Variants in KIFC3 observed in about 807,000 individuals in gnomAD.
KIFC3 encodes kinesin-like protein KIFC3.
KIFC3 carries 60 observed loss-of-function variants against 101.8 expected under a neutral mutation model. That is an observed-to-expected ratio of 0.59 (90% CI 0.48 to 0.73). The LOEUF is 0.73. Among genes scored for constraint, KIFC3 ranks in the 30% least tolerant of loss-of-function variants. The probability of loss-of-function intolerance (pLI) is 0.00; values close to 1 mark genes in which losing one functional copy is unlikely to be tolerated. For missense variants in KIFC3, 966 were observed against 1,137.1 expected (o/e 0.85, Z 2.16); for synonymous variants, 476 against 482.7 (o/e 0.99, Z 0.18).
rs781957121 is a variant in KIFC3, at chr16:57,764,187, A to G, written c.1573T>C (p.Phe525Leu). 58 of 1,590,874 alleles carry G rather than the reference A, an allele frequency of 3.6e-5. No individual in the cohort carries two copies. In the East Asian group the frequency reaches 1.3e-3, roughly 36 times the overall value. Residue 525 changes from phenylalanine (F) to leucine (L), a missense_variant, in exon 12 of 20, where the codon TTT becomes CTT. This residue lies in a region of KIFC3 where 689 missense variants were observed against 884.6 expected (regional missense o/e 0.78). Transcript: ENST00000445690. ...SCIDGFNVCI[F>L]AYGQTGAGKT... ...CCGGCGCCCGTCTGGCCGTACGCAAAGATGCAGACATTGAAGCCATCAATG... is the reference window on the plus strand; with the variant it reads ...CCGGCGCCCGTCTGGCCGTACGCAAGGATGCAGACATTGAAGCCATCAATG...
At chr16:57,812,584 A>T (rs143085558) in intron 1 of KIFC3, among the ~76,000 whole-genome samples, 79 of 152,256 alleles carry the variant, frequency 5.2e-4, no homozygotes, top group African/African-American at 1.8e-3. Flanking sequence ...GGAAAGAGCC[A>T]TGAATCAAAG....
At position 57,771,377 on chromosome 16, in the gene KIFC3, C is replaced by T; in HGVS notation, c.586G>A (p.Gly196Ser). 1 of 1,613,700 alleles carries T rather than the reference C, an allele frequency of 6.2e-7. No homozygotes were observed. The highest frequency in any genetic ancestry group is 8.5e-7 in the Non-Finnish European group (1 of 1,180,046). ...QLQLEMAESKGMLSELNLEVQ... is the reference protein window; with the variant it reads ...QLQLEMAESKSMLSELNLEVQ... ...TCTAGGTTCAGCTCTGACAGCATGCCTTTGCTTTCCGCCATCTCCAGCTGC... is the reference window on the plus strand; with the variant it reads ...TCTAGGTTCAGCTCTGACAGCATGCTTTTGCTTTCCGCCATCTCCAGCTGC... Residue 196 changes from glycine to serine, a missense_variant, in exon 6 of 20, where the codon GGC becomes AGC. Around this residue, in one of 2 missense-constraint regions of KIFC3, gnomAD observed 689 missense variants for 884.6 expected, o/e 0.78. Coordinates refer to ENST00000445690, the MANE Select transcript of KIFC3 (RefSeq NM_001130100.2).
At chr16:57,795,898 T>TG (rs1568048182) in intron 2 of KIFC3, among the ~76,000 whole-genome samples, 14 of 144,814 alleles carry the variant, frequency 9.7e-5, no homozygotes, top group African/African-American at 3.7e-4. Flanking sequence ...TTTTTTTTTT[T>TG]TTTTTTTTTT....
chr16:57,856,046 G>A (rs1321563731), intron 1 of KIFC3, among the ~76,000 whole-genome samples: 1 of 151,882 alleles, frequency 6.6e-6, no homozygotes. Flanking sequence ...AATAAGGCTG[G>A]ACGCAGGGGG....
intron 10 of KIFC3, 27 bp from the exon 11 acceptor site, chr16:57,765,667 G>A: frequency 6.3e-7 from 1 of 1,588,646 alleles, no homozygotes; most frequent in Non-Finnish European, 8.6e-7. Context: ...TGGGGAAATG[G>A]GTCCAGGCCA....
At chr16:57,830,314 T>A (rs1476472652) in intron 1 of KIFC3, among the ~76,000 whole-genome samples, 1 of 150,048 alleles carries the variant, frequency 6.7e-6, no homozygotes, top group Non-Finnish European at 1.5e-5. Context: ...CTCGGCTCTC[T>A]GCAGCCTCCC....
chr16:57,844,365 G>C (rs1315954050), intron 1 of KIFC3, among the ~76,000 whole-genome samples: 2 of 151,010 alleles, frequency 1.3e-5, no homozygotes, highest in African/African-American at 4.9e-5. Context: ...GGGAGGCGGA[G>C]GTTGCAGTGA....
At position 57,766,984 on chromosome 16, in the gene KIFC3, A is replaced by G. The variant is rs782272190; in HGVS notation, c.1220T>C (p.Ile407Thr). ...GTTGACCTCCTCGATGGCCTGGCCT[A>G]TCTGGTGGGGGGTGCACACCACTGT... ...QEALRSVKAE[I>T]GQAIEEVNSN... Residue 407 changes from isoleucine (I) to threonine (T), a missense_variant and splice_region_variant, in exon 10 of 20, where the codon ATA (isoleucine) becomes ACA (threonine). Transcript: ENST00000445690. 3.7e-6 allele frequency: 6 copies of G among 1,612,402 alleles called. No homozygotes were observed. The East Asian group carries it at 1.3e-4, about 36-fold the overall frequency.
chr16:57,833,435 G>T (rs782742043), intron 1 of KIFC3, among the ~76,000 whole-genome samples: 73 of 152,266 alleles, frequency 4.8e-4, no homozygotes, highest in Non-Finnish European at 9.6e-4. Context: ...AGCACCCAAG[G>T]GGAGATTCCC....
At position 57,769,521 on chromosome 16, in the gene KIFC3, G is replaced by A. The variant is rs548855411; in HGVS notation, c.1218+74C>T. ...GGCTTTGTCTGAGCTTTGGAGGGAC[G>A]CCCTGAGTGGATGTCGTGCCTCTCC... On this transcript the variant is annotated intron_variant, in intron 9 of 19. Transcript: ENST00000445690. This position sits in a 1 kb window ranked among gnomAD's most constrained non-coding sequence, Gnocchi z 4.3. 10 of 1,530,502 alleles carry A rather than the reference G, an allele frequency of 6.5e-6. No individual in the cohort carries two copies. Among genetic ancestry groups the A allele is most frequent in the Admixed American group, 3.6e-5 (2 of 55,408 alleles). The allele number at this position is 1,530,502 out of a possible 1,614,324, so 94.8% of individuals were successfully genotyped here. A position where few individuals can be genotyped will look rare whatever the true frequency, so the allele number is the denominator to read the frequency against.
intron 1 of KIFC3, among the ~76,000 whole-genome samples, chr16:57,852,169 G>A (rs1160105486): frequency 6.6e-6 from 1 of 151,796 alleles, no homozygotes; most frequent in Non-Finnish European, 1.5e-5. Flanking sequence ...ATTATCCTTG[G>A]CTTTCTGTTC....
intron 1 of KIFC3, among the ~76,000 whole-genome samples, chr16:57,843,296 C>G: frequency 6.6e-6 from 1 of 152,160 alleles, no homozygotes; most frequent in East Asian, 1.9e-4. Context: ...GAGATTCAAC[C>G]ATGAGACAGT....
intron 1 of KIFC3, among the ~76,000 whole-genome samples, chr16:57,849,001 T>C (rs1433156675): frequency 6.6e-6 from 1 of 152,262 alleles, no homozygotes; most frequent in African/African-American, 2.4e-5. Context: ...ATCCTAAAAC[T>C]GTTCTTCCTG....
Position 57,790,078 on chromosome 16 carries a change from C to CTTTT in KIFC3, c.315+4917_315+4920dup, listed in dbSNP as rs782291808. Among the ~76,000 whole-genome samples, 13 of 94,092 alleles carry CTTTT rather than the reference C, an allele frequency of 1.4e-4. No individual in the cohort carries two copies. In the East Asian group the frequency reaches 3.2e-3, roughly 23 times the overall value. 61.7% of individuals were successfully genotyped at this position (94,092 alleles called of 152,430 possible). ...TTTTTCTTTCTTTCTTTCTTTCTTT[C>CTTTT]TTTTTTTTTTTTTTTTTTAAAGACA... On this transcript the variant is annotated intron_variant, in intron 3 of 19. Transcript: ENST00000445690.
intron 1 of KIFC3, among the ~76,000 whole-genome samples, chr16:57,808,498 C>G (rs782144148): frequency 2.6e-5 from 4 of 152,142 alleles, no homozygotes; most frequent in Non-Finnish European, 4.4e-5. Flanking sequence ...TCCTCATTCA[C>G]TTCTCCCCAC....
At chr16:57,820,650 A>C (rs560342839) in intron 1 of KIFC3, among the ~76,000 whole-genome samples, 4 of 152,226 alleles carry the variant, frequency 2.6e-5, no homozygotes, top group Admixed American at 2.6e-4. Context: ...CCTTCATTGC[A>C]CTTAGCAAAA....
intron 1 of KIFC3, among the ~76,000 whole-genome samples, chr16:57,831,978 G>T (rs868951036): frequency 4.6e-5 from 7 of 152,084 alleles, no homozygotes; most frequent in South Asian, 2.1e-4. Context: ...AACATTTGTG[G>T]CAGGATAATT....
At chr16:57,815,359 G>A (rs2055196516) in intron 1 of KIFC3, 4 of 1,013,834 alleles carry the variant, frequency 3.9e-6, no homozygotes, top group East Asian at 1.7e-4. Flanking sequence ...TTAGCTCAAG[G>A]CCACAGGTAC....
intron 3 of KIFC3, chr16:57,776,102 A>C (rs914159349): frequency 2.1e-5 from 21 of 985,444 alleles, no homozygotes; most frequent in Non-Finnish European, 2.5e-5. Context: ...ACCATCACAG[A>C]AAGAAAACCT....
Sources: gnomAD v4.1 joint callset for allele counts (sites outside exome capture counted in the v4.1 genomes callset) on GRCh38, gnomAD v4.1.1 for gene constraint, gnomAD v4.1.1 regional missense constraint, Gnocchi (gnomAD v3.1) non-coding constraint, MANE v1.5 for transcripts, NCBI Gene and HGNC (gene_info 2026-07-23, HGNC 2026-07-21) for gene names.